Variants in PRSS3 observed in about 807,000 individuals in gnomAD.
The protein encoded by PRSS3 is serine protease 3.
Under a neutral mutation model 20.8 loss-of-function variants are expected in PRSS3, and 14 were observed. The observed-to-expected ratio is 0.67, with a 90% confidence interval of 0.44 to 1.05. The LOEUF is 1.05. Among genes scored for constraint, PRSS3 ranks in the 50% least tolerant of loss-of-function variants. PRSS3 has a pLI of 0.00. For missense variants in PRSS3, 237 were observed against 306.4 expected (o/e 0.77, Z 1.69); for synonymous variants, 91 against 117.6 (o/e 0.77, Z 1.46).
intron 1 of PRSS3, among the ~76,000 whole-genome samples, chr9:33,755,900 C>A (rs994485172): frequency 6.6e-6 from 1 of 152,188 alleles, no homozygotes; most frequent in East Asian, 1.9e-4. Context: ...TCTAGAACCT[C>A]CACGGTCCCT....
rs777851511 is a variant in PRSS3, at chr9:33,797,899, G to A, written c.271G>A (p.Ala91Thr). ...LEGNEQFINA[A>T]KIIRHPKYNR... ...GGGGAATGAGCAGTTCATCAATGCGGCCAAGATCATCCGCCACCCTAAATA... is the reference window on the plus strand; with the variant it reads ...GGGGAATGAGCAGTTCATCAATGCGACCAAGATCATCCGCCACCCTAAATA... Residue 91 changes from alanine to threonine, a missense_variant, in exon 3 of 5, where the codon GCC (alanine) becomes ACC (threonine). By Grantham distance (58) the Ala-to-Thr change is moderately conservative. Transcript: ENST00000379405. 9 of 1,614,126 alleles carry A rather than the reference G, an allele frequency of 5.6e-6. 1 individual carries two copies. In the South Asian group the frequency reaches 9.9e-5, roughly 18 times the overall value.
intron 1 of PRSS3, among the ~76,000 whole-genome samples, chr9:33,766,338 C>T (rs2118853463): frequency 6.7e-6 from 1 of 148,486 alleles, no homozygotes; most frequent in Admixed American, 6.8e-5. Flanking sequence ...CTTTGGGAGG[C>T]CGAGGTGGGT....
chr9:33,777,281 G>A (rs983730135), intron 1 of PRSS3, among the ~76,000 whole-genome samples: 1 of 152,078 alleles, frequency 6.6e-6, no homozygotes, highest in African/African-American at 2.4e-5. Flanking sequence ...CTACATGATA[G>A]TAAATGGCAA....
At chr9:33,790,138 G>C (rs1405437855) in intron 1 of PRSS3, among the ~76,000 whole-genome samples, 1 of 151,978 alleles carries the variant, frequency 6.6e-6, no homozygotes, top group East Asian at 1.9e-4. Flanking sequence ...TATTATAATT[G>C]TTTCTCTTTT....
chr9:33,777,469 G>A (rs1823982135), intron 1 of PRSS3, among the ~76,000 whole-genome samples: 1 of 146,658 alleles, frequency 6.8e-6, no homozygotes, highest in Non-Finnish European at 1.5e-5. Flanking sequence ...GGCGGATCAT[G>A]AGGTCAGGAG....
Position 33,753,199 on chromosome 9 carries a change from T to A in PRSS3, c.-53+2472T>A, listed in dbSNP as rs192539247. Among the ~76,000 whole-genome samples, 42 of 152,330 alleles carry A rather than the reference T, an allele frequency of 2.8e-4. 1 individual carries two copies. The highest frequency in any genetic ancestry group is 9.6e-4 in the African/African-American group (40 of 41,568). On this transcript the variant is annotated intron_variant, in intron 1 of 5. Coordinates refer to the PRSS3 transcript ENST00000342836. ...ATTTGTTTTTCCTGAACACTTAATATGTTTTCTGACTTGAACTGTCAGAAT... is the reference window on the plus strand; with the variant it reads ...ATTTGTTTTTCCTGAACACTTAATAAGTTTTCTGACTTGAACTGTCAGAAT...
intron 1 of PRSS3, among the ~76,000 whole-genome samples, chr9:33,755,491 G>A (rs1822898466): frequency 6.6e-6 from 1 of 152,058 alleles, no homozygotes; most frequent in South Asian, 2.1e-4. Context: ...TACCAAGAAG[G>A]ATGACGGTTT....
At chr9:33,784,155 T>C (rs186709240) in intron 1 of PRSS3, among the ~76,000 whole-genome samples, 1 of 152,130 alleles carries the variant, frequency 6.6e-6, no homozygotes, top group African/African-American at 2.4e-5. Flanking sequence ...TTGAAAGGCA[T>C]GTAAAGAGAG....
upstream of PRSS3, among the ~76,000 whole-genome samples, chr9:33,791,740 C>T (rs892594499): frequency 8.5e-5 from 13 of 152,186 alleles, no homozygotes; most frequent in African/African-American, 3.1e-4. Context: ...CAGAAAGACT[C>T]ACCATTATAT....
In PRSS3 at chr9:33,762,899, C is replaced by CT. The variant is rs770307413; in HGVS notation, c.-53+12174dup. 4.4e-4 allele frequency among the ~76,000 whole-genome samples: 67 copies of CT among 152,180 alleles called. 1 individual carries two copies. Among genetic ancestry groups the CT allele is most frequent in the Non-Finnish European group, 1.0e-4 (7 of 68,036 alleles). On this transcript the variant is annotated intron_variant, in intron 1 of 5. Coordinates refer to the PRSS3 transcript ENST00000342836. ...CACCAGACTAGAGAGGAAGCTAACACTTATTAAACATGTATTCTAGTCAGC... is the reference window on the plus strand; with the variant it reads ...CACCAGACTAGAGAGGAAGCTAACACTTTATTAAACATGTATTCTAGTCAGC...
At chr9:33,766,263 CAAAAAAAAAAAAA>C (rs67834191) in intron 1 of PRSS3, among the ~76,000 whole-genome samples, 1,018 of 72,824 alleles carry the variant, frequency 0.014, 12 homozygotes, top group Admixed American at 0.019. Flanking sequence ...GATTCCGTCT[CAAAAAAAAAAAAA>C]AAAAAAAAAA....
intron 1 of PRSS3, among the ~76,000 whole-genome samples, chr9:33,751,219 C>T (rs578022821): frequency 8.5e-5 from 13 of 152,336 alleles, no homozygotes; most frequent in Admixed American, 3.3e-4. Flanking sequence ...GCTCTGGGCA[C>T]TGGTACCCCG....
intron 1 of PRSS3, among the ~76,000 whole-genome samples, chr9:33,766,629 A>G (rs1295491076): frequency 6.6e-6 from 1 of 152,156 alleles, no homozygotes. Context: ...TACATGCTAT[A>G]CCATGAATGA....
intron 2 of PRSS3, 37 bp from the exon 3 acceptor site, chr9:33,797,792 G>A: frequency 6.2e-7 from 1 of 1,614,212 alleles, no homozygotes; most frequent in Non-Finnish European, 8.5e-7. Flanking sequence ...CCCAGGCTGT[G>A]GGAGAAGGTC....
Position 33,796,682 on chromosome 9 carries a change from G to C in PRSS3, c.80G>C (p.Gly27Ala), listed in dbSNP as rs1324500336. 1.2e-6 allele frequency: 2 copies of C among 1,612,154 alleles called. No individual in the cohort carries two copies. The highest frequency in any genetic ancestry group is 1.3e-5 in the African/African-American group (1 of 74,852). The change falls in exon 2 of 5, where the codon GGC (glycine) becomes GCC (alanine). Residue 27 changes from glycine (G) to alanine (A), a missense_variant. Gly to Ala is a moderately conservative substitution (Grantham distance 60). Coordinates refer to ENST00000379405, the MANE Select transcript of PRSS3 (RefSeq NM_002771.4). ...GACGATGATGACAAGATTGTTGGGG[G>C]CTACACCTGTGAGGAGAATTCTCTC... ...PFDDDDKIVG[G>A]YTCEENSLPY...
intron 1 of PRSS3, among the ~76,000 whole-genome samples, chr9:33,789,384 T>C (rs1824536951): frequency 6.6e-6 from 1 of 152,230 alleles, no homozygotes; most frequent in Non-Finnish European, 1.5e-5. Flanking sequence ...CAAACCCCAA[T>C]GGGCTGACTG....
intron 1 of PRSS3, among the ~76,000 whole-genome samples, chr9:33,776,137 A>G (rs772235567): frequency 1.3e-5 from 2 of 152,256 alleles, no homozygotes; most frequent in Non-Finnish European, 2.9e-5. Flanking sequence ...TGGAAGGTAC[A>G]GTTACCAAAA....
chr9:33,778,308 AAAG>A (rs1824030546), intron 1 of PRSS3, among the ~76,000 whole-genome samples: 1 of 152,198 alleles, frequency 6.6e-6, no homozygotes, highest in Admixed American at 6.5e-5. Context: ...TCAAGATCAT[AAAG>A]AAGTCAATAA....
At chr9:33,765,313 G>C (rs1178355673) in intron 1 of PRSS3, among the ~76,000 whole-genome samples, 1 of 152,022 alleles carries the variant, frequency 6.6e-6, no homozygotes, top group Non-Finnish European at 1.5e-5. Flanking sequence ...AATAATAGTA[G>C]GACTATATTA....
Sources: gnomAD v4.1 joint callset for allele counts (sites outside exome capture counted in the v4.1 genomes callset) on GRCh38, gnomAD v4.1.1 for gene constraint, MANE v1.5 for transcripts, NCBI Gene and HGNC (gene_info 2026-07-23, HGNC 2026-07-21) for gene names.